The following RPTOR variants were observed in gnomAD, a reference collection of about 807,000 sequenced individuals.
The protein encoded by RPTOR is regulatory-associated protein of mTOR.
A neutral mutation model predicts 169.9 loss-of-function variants in RPTOR; 21 were observed. That is an observed-to-expected ratio of 0.12 (90% CI 0.09 to 0.18). The LOEUF is 0.18. Among genes scored for constraint, RPTOR ranks in the 10% least tolerant of loss-of-function variants. The pLI, the probability that RPTOR is intolerant of heterozygous loss-of-function variation, is 1.00. For synonymous variants in RPTOR, 732 were observed against 753.2 expected (o/e 0.97, Z 0.46); for missense variants, 1,133 against 1,855.9 (o/e 0.61, Z 7.16).
chr17:80,918,371 T>C (rs551865349), intron 21 of RPTOR, among the ~76,000 whole-genome samples: 3 of 151,540 alleles, frequency 2.0e-5, no homozygotes, highest in Admixed American at 2.0e-4. Flanking sequence ...AGTGAGACAG[T>C]ACTGTGCAGC....
At position 80,594,729 on chromosome 17, in the gene RPTOR, C is replaced by T. The variant is rs111841587; in HGVS notation, c.163-30962C>T. On this transcript the variant is annotated intron_variant, in intron 1 of 33. Coordinates refer to ENST00000306801, the MANE Select transcript of RPTOR (RefSeq NM_020761.3). ...TGTTTTAATTAAAAATATCCATCACCGGGTGGCTCTTCTTTTCCTTTATTT... is the reference window on the plus strand; with the variant it reads ...TGTTTTAATTAAAAATATCCATCACTGGGTGGCTCTTCTTTTCCTTTATTT... Among the ~76,000 whole-genome samples the T allele has an allele frequency of 7.1e-4, 108 of 152,276 alleles. 1 individual carries two copies. Among genetic ancestry groups the T allele is most frequent in the African/African-American group, 2.4e-3 (100 of 41,556 alleles).
At chr17:80,696,582 G>C (rs1280577989) in intron 3 of RPTOR, among the ~76,000 whole-genome samples, 1 of 152,238 alleles carries the variant, frequency 6.6e-6, no homozygotes, top group Non-Finnish European at 1.5e-5. Flanking sequence ...CCTCTTCTTA[G>C]TGGCCATGGC....
At chr17:80,610,056 G>A (rs868691916) in intron 1 of RPTOR, among the ~76,000 whole-genome samples, 2 of 152,050 alleles carry the variant, frequency 1.3e-5, no homozygotes, top group East Asian at 3.9e-4. Context: ...TCTCATTTTC[G>A]ACTTCAACTA....
At chr17:80,645,786 CAGAA>C (rs2065590706) in intron 3 of RPTOR, among the ~76,000 whole-genome samples, 2 of 152,248 alleles carry the variant, frequency 1.3e-5, no homozygotes, top group Non-Finnish European at 1.5e-5. Context: ...TGATGACAGC[CAGAA>C]AGATGACAGT....
chr17:80,608,121 G>A (rs1242753932), intron 1 of RPTOR, among the ~76,000 whole-genome samples: 2 of 152,202 alleles, frequency 1.3e-5, no homozygotes, highest in Admixed American at 6.5e-5. Flanking sequence ...GATTTTGAGA[G>A]TGATAGACTC....
intron 6 of RPTOR, among the ~76,000 whole-genome samples, chr17:80,770,292 C>G (rs556432013): frequency 2.0e-5 from 3 of 152,236 alleles, no homozygotes; most frequent in African/African-American, 4.8e-5. Context: ...AAGCCCACCT[C>G]TTAGCACTGT....
intron 9 of RPTOR, among the ~76,000 whole-genome samples, chr17:80,831,353 A>G (rs1318539006): frequency 7.9e-5 from 12 of 152,148 alleles, no homozygotes; most frequent in Non-Finnish European, 1.8e-4. Context: ...AAGGCATTTG[A>G]TTCTGTGGAG....
At chr17:80,632,851 C>A (rs1219846924) in intron 2 of RPTOR, among the ~76,000 whole-genome samples, 1 of 152,166 alleles carries the variant, frequency 6.6e-6, no homozygotes, top group Non-Finnish European at 1.5e-5. Context: ...GTTGCCCAGG[C>A]TGGAGTGCAG....
intron 17 of RPTOR, among the ~76,000 whole-genome samples, chr17:80,890,680 G>T (rs1282943342): frequency 6.6e-6 from 1 of 152,242 alleles, no homozygotes. Context: ...GGAGAGTTTG[G>T]GGTGCAGGTG....
At chr17:80,885,445 G>A (rs1041197138) in intron 17 of RPTOR, among the ~76,000 whole-genome samples, 6 of 152,076 alleles carry the variant, frequency 3.9e-5, no homozygotes, top group African/African-American at 9.7e-5. Context: ...CCAAAGAGAC[G>A]CAGCCACCCA....
rs1484273237 is a variant in RPTOR at position 80,708,799 on chromosome 17, G to T, written c.507+800G>T. ...GCATGAAAAGCAGTTCTTGGAGGGT[G>T]CGGTGGCCCCATATGTGCCTGAGCG... On this transcript the variant is annotated intron_variant, in intron 4 of 33. Coordinates refer to ENST00000306801, the MANE Select transcript of RPTOR (RefSeq NM_020761.3). This position sits in a 1 kb window ranked among gnomAD's most constrained non-coding sequence, Gnocchi z 4.2. The T allele has an allele frequency of 1.4e-5, 4 of 281,618 alleles. No individual in the cohort carries two copies. Among genetic ancestry groups the T allele is most frequent in the East Asian group, 3.5e-4 (2 of 5,764 alleles). 17.4% of individuals were successfully genotyped at this position (281,618 alleles called of 1,614,324 possible). A position where few individuals can be genotyped will look rare whatever the true frequency, so the allele number is the denominator to read the frequency against.
intron 13 of RPTOR, 38 bp downstream of exon 13, chr17:80,857,938 C>T (rs747526372): frequency 2.0e-6 from 3 of 1,506,630 alleles, no homozygotes; most frequent in South Asian, 2.3e-5. Context: ...GTGATGTGAA[C>T]CTGCCGGCCC....
intron 13 of RPTOR, among the ~76,000 whole-genome samples, chr17:80,877,212 G>T (rs1001749074): frequency 2.6e-5 from 4 of 152,258 alleles, no homozygotes; most frequent in Non-Finnish European, 5.9e-5. Context: ...GGGCGAGTGA[G>T]CAGCAGCCGA....
chr17:80,577,050 A>C (rs998144021), intron 1 of RPTOR, among the ~76,000 whole-genome samples: 4 of 107,420 alleles, frequency 3.7e-5, no homozygotes, highest in African/African-American at 1.4e-4. Flanking sequence ...TTTTTTTTTG[A>C]GATGAAGCTT....
chr17:80,555,777 G>A (rs531467956), intron 1 of RPTOR, among the ~76,000 whole-genome samples: 1 of 152,208 alleles, frequency 6.6e-6, no homozygotes, highest in Admixed American at 6.5e-5. Flanking sequence ...ACTTCATGTA[G>A]TTGGTGATGG....
intron 9 of RPTOR, among the ~76,000 whole-genome samples, chr17:80,831,103 G>C (rs188167606): frequency 2.6e-5 from 4 of 152,288 alleles, no homozygotes; most frequent in Non-Finnish European, 5.9e-5. Context: ...TAGCAGCCGT[G>C]TGTTGTTCCG....
intron 7 of RPTOR, among the ~76,000 whole-genome samples, chr17:80,801,346 T>G (rs548621624): frequency 9.2e-5 from 14 of 152,254 alleles, no homozygotes; most frequent in South Asian, 2.1e-4. Flanking sequence ...ATGGGGAAAC[T>G]GAGGCACCCA....
At chr17:80,597,832 GT>G (rs962491761) in intron 1 of RPTOR, among the ~76,000 whole-genome samples, 16 of 149,082 alleles carry the variant, frequency 1.1e-4, no homozygotes, top group African/African-American at 2.0e-4. Context: ...TTTGTTTTTG[GT>G]TTTTTTTTTC....
intron 2 of RPTOR, 89 bp from the exon 3 acceptor site, chr17:80,643,639 T>C (rs6565469): frequency 0.72 from 661,715 of 919,778 alleles, 241,777 homozygotes; most frequent in African/African-American, 0.89. Flanking sequence ...CTTTGAAGTG[T>C]GTTATATAAG....
Sources: allele counts gnomAD v4.1 joint callset (sites outside exome capture counted in the v4.1 genomes callset), GRCh38; gene constraint gnomAD v4.1.1; non-coding constraint Gnocchi (gnomAD v3.1); transcripts MANE v1.5; gene names NCBI Gene and HGNC (gene_info 2026-07-23, HGNC 2026-07-21).